The following RPAP1 variants were observed in gnomAD, a reference collection of about 807,000 sequenced individuals.
RPAP1 encodes RNA polymerase II associated protein 1.
A neutral mutation model predicts 142.4 loss-of-function variants in RPAP1; 109 were observed. The observed-to-expected ratio is 0.77, with a 90% CI of 0.66 to 0.90. RPAP1 has a LOEUF of 0.90. Among genes scored for constraint, RPAP1 ranks in the 40% least tolerant of loss-of-function variants. The probability of loss-of-function intolerance (pLI) is 0.00; values close to 1 mark genes in which losing one functional copy is unlikely to be tolerated. For synonymous variants in RPAP1, 704 were observed against 738.9 expected (o/e 0.95, Z 0.77); for missense variants, 1,546 against 1,751.7 (o/e 0.88, Z 2.10).
chr15:41,522,146 GC>G lies in RPAP1; in HGVS notation c.2846del (p.Arg949ProfsTer39). ...HLTPFSAWALRHEYHLQYLAL... is the reference protein window; with the variant it reads ...HLTPFSAWALXHEYHLQYLAL... Reference sequence around the variant, plus strand: ...CCAGGTACTGCAGGTGGTACTCATGGCGCAGGGCCCATGCAGAGAAAGGTGT... The same window carrying G: ...CCAGGTACTGCAGGTGGTACTCATGGGCAGGGCCCATGCAGAGAAAGGTGT... On this transcript the variant is annotated frameshift_variant, in exon 20 of 25. Transcript: ENST00000304330. LOFTEE classifies it high-confidence loss of function. 6.2e-7 allele frequency: 1 copy of G among 1,613,962 alleles called. No individual in the cohort carries two copies. Among genetic ancestry groups the G allele is most frequent in the Non-Finnish European group, 8.5e-7 (1 of 1,180,000 alleles).
intron 21 of RPAP1, 23 bp downstream of exon 21, chr15:41,521,715 G>A: frequency 4.3e-6 from 7 of 1,612,940 alleles, no homozygotes; most frequent in Non-Finnish European, 5.9e-6. Context: ...GGGCTGAGTT[G>A]ATGCCACCAA....
Position 41,523,373 on chromosome 15 carries a change from C to T in RPAP1, c.2437-19G>A, listed in dbSNP as rs2051751745. 1.4e-6 allele frequency: 2 copies of T among 1,481,094 alleles called. No homozygotes were observed. Among genetic ancestry groups the T allele is most frequent in the African/African-American group, 2.8e-5 (2 of 72,116 alleles). 91.7% of individuals were successfully genotyped at this position (1,481,094 alleles called of 1,614,324 possible). On this transcript the variant is annotated intron_variant, in intron 17 of 24. Coordinates refer to ENST00000304330, the MANE Select transcript of RPAP1 (RefSeq NM_015540.4). ...AGCTTGGCTGGTGGACCAAGGAATT[C>T]ACTGAGCTGATGGCCCAGCCATTCA...
chr15:41,521,765 C>A lies in RPAP1; in HGVS notation c.3011G>T (p.Ser1004Ile). The change falls in exon 21 of 25, where the codon AGC becomes ATC. Residue 1004 changes from serine to isoleucine, a missense_variant. This residue lies in a region of RPAP1 where 1,333 missense variants were observed against 1,486.6 expected (regional missense o/e 0.90). Transcript: ENST00000304330. ...SEYLTHELLL[S>I]CVFRLEFLPE... is the part of the protein sequence containing the mutation. ...GAGGAACTCCAGCCGGAATACACAGCTCAGCAGCAGCTCATGGGTGAGGTA... is the reference window on the plus strand; with the variant it reads ...GAGGAACTCCAGCCGGAATACACAGATCAGCAGCAGCTCATGGGTGAGGTA... 1 of 1,614,196 alleles carries A rather than the reference C, an allele frequency of 6.2e-7. No homozygotes were observed. Among genetic ancestry groups the A allele is most frequent in the Non-Finnish European group, 8.5e-7 (1 of 1,180,048 alleles).
At chr15:41,518,340 T>C in intron 22 of RPAP1, 158 bp from the exon 23 acceptor site, 2 of 600,440 alleles carry the variant, frequency 3.3e-6, no homozygotes. Context: ...GGTTAAAGAC[T>C]ACAGAGCAGA....
chr15:41,523,021 A>G, intron 18 of RPAP1, 61 bp from the exon 19 acceptor site: 1 of 1,402,974 alleles, frequency 7.1e-7, no homozygotes, highest in Non-Finnish European at 9.5e-7. Flanking sequence ...AGCTGGAAAG[A>G]GCTTCTGGGT....
chr15:41,522,484 G>A (rs541578324), intron 19 of RPAP1: 13 of 568,474 alleles, frequency 2.3e-5, no homozygotes, highest in South Asian at 6.7e-5. Context: ...TCCGCCTCCC[G>A]GGTTCAAGTG....
chr15:41,536,862 C>A, intron 2 of RPAP1, 83 bp downstream of exon 2: 1 of 1,509,570 alleles, frequency 6.6e-7, no homozygotes, highest in Non-Finnish European at 9.0e-7. Context: ...AATGATGTGT[C>A]TGAATCCAAC....
intron 6 of RPAP1, among the ~76,000 whole-genome samples, chr15:41,532,432 G>C (rs536712205): frequency 1.2e-4 from 18 of 152,222 alleles, no homozygotes; most frequent in African/African-American, 4.3e-4. Context: ...CCAAAGTGCT[G>C]GAATTACAGG....
intron 9 of RPAP1, 124 bp from the exon 10 acceptor site, chr15:41,528,460 C>T (rs2051817614): frequency 1.5e-6 from 1 of 687,222 alleles, no homozygotes; most frequent in South Asian, 1.7e-5. Context: ...TCCATGGAGC[C>T]TCAAGCCGGT....
At chr15:41,528,399 G>T in intron 9 of RPAP1, 63 bp from the exon 10 acceptor site, 1 of 1,108,376 alleles carries the variant, frequency 9.0e-7, no homozygotes, top group Non-Finnish European at 1.3e-6. Flanking sequence ...AAAACACCAA[G>T]CAAGGTATCA....
intron 22 of RPAP1, 31 bp from the exon 23 acceptor site, chr15:41,518,213 G>T (rs753698143): frequency 1.3e-6 from 2 of 1,538,196 alleles, no homozygotes; most frequent in East Asian, 4.5e-5. Flanking sequence ...TGCTGAGGGG[G>T]AGGGTAGGAA....
Position 41,517,939 on chromosome 15 carries a change from C to T in RPAP1, c.3972+67G>A, listed in dbSNP as rs550983432. On this transcript the variant is annotated intron_variant, in intron 23 of 24. Coordinates refer to ENST00000304330, the MANE Select transcript of RPAP1 (RefSeq NM_015540.4). ...CCTTGCTTGACACTTACCTCTTCCC[C>T]AGCTGGCCCAGAGGCAGCTCAATTG... is the stretch of plus-strand genomic sequence containing the variant. 11 of 1,612,860 alleles carry T rather than the reference C, an allele frequency of 6.8e-6. No individual in the cohort carries two copies. The East Asian group carries it at 1.3e-4, about 20-fold the overall frequency.
intron 4 of RPAP1, 78 bp from the exon 5 acceptor site, chr15:41,535,710 C>T: frequency 6.5e-7 from 1 of 1,547,198 alleles, no homozygotes; most frequent in South Asian, 1.3e-5. Flanking sequence ...ATCAAGGCCT[C>T]TGGAACAAAG....
chr15:41,531,108 A>G lies in RPAP1; in HGVS notation c.858T>C (p.Ser286=). ...GGGGTTCCTCCTTGGTGACATTAGC[A>G]GAGGGTCCTCCTGGCCTCTGCTCCT... ...ASEEQRPGGP[S]ANVTKEEPLM... Residue 286 remains serine, a synonymous_variant, in exon 7 of 25, where the codon TCT becomes TCC. Coordinates refer to ENST00000304330, the MANE Select transcript of RPAP1 (RefSeq NM_015540.4). 2 of 1,614,026 alleles carry G rather than the reference A, an allele frequency of 1.2e-6. No homozygotes were observed. Among genetic ancestry groups the G allele is most frequent in the Non-Finnish European group, 1.7e-6 (2 of 1,179,968 alleles).
At position 41,527,025 on chromosome 15, in the gene RPAP1, A is replaced by C. The variant is rs1239400695; in HGVS notation, c.1790T>G (p.Phe597Cys). Residue 597 changes from phenylalanine (F) to cysteine (C), a missense_variant, in exon 14 of 25, where the codon TTC becomes TGC. By Grantham distance (205) the Phe-to-Cys change is radical. Around this residue, in one of 3 missense-constraint regions of RPAP1, gnomAD observed 1,333 missense variants for 1,486.6 expected, o/e 0.90. Transcript: ENST00000304330. ...CACAGGAGACCAACTGGTGGGCAAG[A>C]ACTCTCGAACTATAGTCTCTATCAG... is the stretch of plus-strand genomic sequence containing the variant. Reference protein sequence around the residue: ...PRLIETIVREFLPTSWSPVGA... With the variant: ...PRLIETIVRECLPTSWSPVGA... 6.2e-7 allele frequency: 1 copy of C among 1,614,242 alleles called. No individual in the cohort carries two copies.
intron 21 of RPAP1, 60 bp from the exon 22 acceptor site, chr15:41,521,207 C>G: frequency 1.3e-6 from 2 of 1,486,360 alleles, no homozygotes; most frequent in Non-Finnish European, 1.8e-6. Flanking sequence ...GGAGGCTGTG[C>G]CAGCTCTTTG....
In RPAP1 at chr15:41,537,069, A is replaced by C. The variant is rs142505884; in HGVS notation, c.57T>G (p.Ser19Arg). The change falls in exon 2 of 25, where the codon AGT becomes AGG. Residue 19 changes from serine (S) to arginine (R), a missense_variant. Physicochemically the swap from Ser to Arg is moderately radical, Grantham distance 110. Transcript: ENST00000304330. ...GGGCTGCACCAGCTGCGAGAAACTG[A>C]CTCTGGAAGTGCAGCAGGTCCACCT... ...ESEVDLLHFQ[S>R]QFLAAGAAPA... 5,912 of 1,613,846 alleles carry C rather than the reference A, an allele frequency of 3.7e-3. 22 individuals carry two copies. Among genetic ancestry groups the C allele is most frequent in the East Asian group, 3.6e-3 (162 of 44,862 alleles).
intron 5 of RPAP1, 47 bp from the exon 6 acceptor site, chr15:41,534,982 C>G (rs1288188442): frequency 6.4e-7 from 1 of 1,569,816 alleles, no homozygotes; most frequent in Admixed American, 1.7e-5. Flanking sequence ...CTCCAGGGCT[C>G]TAACTGGGCT....
At position 41,529,499 on chromosome 15, in the gene RPAP1, C is replaced by G; in HGVS notation, c.1129G>C (p.Gly377Arg). Residue 377 changes from glycine to arginine, a missense_variant, in exon 9 of 25, where the codon GGT (glycine) becomes CGT (arginine). Transcript: ENST00000304330. ...APDVDLPTHL[G>R]LHHHGEEAER... is the part of the protein sequence containing the mutation. The stretch of plus-strand genomic sequence containing the variant: ...GCCTCCTCTCCATGGTGGTGCAGAC[C>G]CAGGTGGGTGGGCAGGTCCACGTCA... 6.2e-7 allele frequency: 1 copy of G among 1,613,528 alleles called. No homozygotes were observed. Among genetic ancestry groups the G allele is most frequent in the African/African-American group, 1.3e-5 (1 of 75,022 alleles).
Sources: allele counts gnomAD v4.1 joint callset (sites outside exome capture counted in the v4.1 genomes callset), GRCh38; gene constraint gnomAD v4.1.1; regional missense constraint gnomAD v4.1.1; transcripts MANE v1.5; gene names NCBI Gene and HGNC (gene_info 2026-07-23, HGNC 2026-07-21).